The following FGL1 variants were observed in gnomAD, a reference collection of about 807,000 sequenced individuals.
FGL1 encodes the protein fibrinogen-like protein 1.
In FGL1, 59 loss-of-function variants were observed where a neutral mutation model predicts 43.7. That is an observed-to-expected ratio of 1.35 (90% CI 1.10 to 1.68). The LOEUF (loss-of-function observed/expected upper bound fraction) is 1.68. Among genes scored for constraint, FGL1 ranks in the 40% most tolerant of loss-of-function variants. The pLI, the probability that FGL1 is intolerant of heterozygous loss-of-function variation, is 0.00. For missense variants in FGL1, 596 were observed against 373.0 expected, an observed-to-expected ratio of 1.60 and a Z score of -4.92; for synonymous variants, 192 against 126.5, an observed-to-expected ratio of 1.52 and a Z score of -3.48.
chr8:17,885,313 G>A (rs892770647), intron 2 of FGL1, among the ~76,000 whole-genome samples, 179 bp downstream of exon 2: 1 of 152,108 alleles, frequency 6.6e-6, no homozygotes, highest in African/African-American at 2.4e-5. Context: ...CTGCAAAAAT[G>A]TAAAGCGCTT....
rs747049207 is a variant in FGL1, at chr8:17,882,076, T to G, written c.167A>C (p.Gln56Pro). 1.9e-6 allele frequency: 3 copies of G among 1,614,072 alleles called. No homozygotes were observed. The highest frequency in any genetic ancestry group is 2.5e-6 in the Non-Finnish European group (3 of 1,179,978). Residue 56 changes from glutamine to proline, a missense_variant, in exon 3 of 8, where the codon CAG becomes CCG. Physicochemically the swap from Gln to Pro is moderately conservative, Grantham distance 76. Coordinates refer to ENST00000427924, the MANE Select transcript of FGL1 (RefSeq NM_004467.4). ...ATCAAGGAACTGGACTTCATTCTCC[T>G]GCAAAAGCTGCTTGATCTTGACCTG... ...QQQVKIKQLL[Q>P]ENEVQFLDKG... is the part of the protein sequence containing the mutation.
At chr8:17,885,442 G>C in intron 2 of FGL1, 50 bp downstream of exon 2, 2 of 1,451,846 alleles carry the variant, frequency 1.4e-6, no homozygotes, top group South Asian at 2.4e-5. Flanking sequence ...AGAAAATTCA[G>C]ATAAAAGCAG....
chr8:17,878,910 T>A (rs1427737457), intron 3 of FGL1, among the ~76,000 whole-genome samples: 4 of 149,424 alleles, frequency 2.7e-5, no homozygotes, highest in Non-Finnish European at 3.0e-5. Context: ...TATATATATA[T>A]AAAACACTAT....
chr8:17,874,759 G>A (rs1585133683), intron 3 of FGL1: 1 of 325,850 alleles, frequency 3.1e-6, no homozygotes, highest in Non-Finnish European at 5.5e-6. Flanking sequence ...AAAGGGGAGT[G>A]AAATAAGAAT....
chr8:17,871,975 T>G (rs563348648), intron 5 of FGL1, among the ~76,000 whole-genome samples: 2 of 152,312 alleles, frequency 1.3e-5, no homozygotes, highest in East Asian at 1.9e-4. Context: ...TTTCATAGTT[T>G]CAATAAGAAA....
chr8:17,894,284 G>A (rs2053746275), intron 1 of FGL1, among the ~76,000 whole-genome samples: 1 of 147,114 alleles, frequency 6.8e-6, no homozygotes. Context: ...TGTTTAATAA[G>A]TTAGCATTCA....
At chr8:17,891,670 A>G (rs546586453) in intron 1 of FGL1, 1 of 985,096 alleles carries the variant, frequency 1.0e-6, no homozygotes, top group Non-Finnish European at 1.2e-6. Context: ...ATGAGAAGAA[A>G]ACTTGTAAAC....
intron 1 of FGL1, among the ~76,000 whole-genome samples, chr8:17,886,290 G>A (rs537504): frequency 6.6e-6 from 1 of 152,176 alleles, no homozygotes; most frequent in East Asian, 1.9e-4. Flanking sequence ...TAAGAGTTAA[G>A]AAGGAGTTGG....
rs762408185 is a variant in FGL1 at position 17,864,733 on chromosome 8, C to G, written c.798G>C (p.Leu266=). The change falls in exon 8 of 8, where the codon CTG becomes CTC. Residue 266 remains leucine (L), a synonymous_variant. Coordinates refer to ENST00000427924, the MANE Select transcript of FGL1 (RefSeq NM_004467.4). The part of the protein sequence containing the change: ...WWFNRCHSAN[L]NGVYYSGPYT... Reference sequence around the variant, plus strand: ...AGGGGCCGCTGTAGTATACACCATTCAGGTTTGCAGAGTGACACCTAGTGG... The same window carrying G: ...AGGGGCCGCTGTAGTATACACCATTGAGGTTTGCAGAGTGACACCTAGTGG... 4 of 1,531,012 alleles carry G rather than the reference C, an allele frequency of 2.6e-6. No individual in the cohort carries two copies. In the East Asian group the frequency reaches 9.5e-5, roughly 36 times the overall value. The allele number at this position is 1,531,012 out of a possible 1,614,324, so 94.8% of individuals were successfully genotyped here.
intron 2 of FGL1, among the ~76,000 whole-genome samples, chr8:17,884,965 T>C (rs564003587): frequency 6.6e-6 from 1 of 152,278 alleles, no homozygotes; most frequent in African/African-American, 2.4e-5. Flanking sequence ...ATTTCTAATA[T>C]TCCAACCAAA....
At chr8:17,874,574 C>A (rs575356003) in intron 3 of FGL1, 53 bp from the exon 4 acceptor site, 1 of 1,421,774 alleles carries the variant, frequency 7.0e-7, no homozygotes, top group Non-Finnish European at 9.6e-7. Context: ...TTTCTCCCCC[C>A]GCCTTAGGGA....
In FGL1 at chr8:17,882,970, T is replaced by C. The variant is rs2053565005; in HGVS notation, c.64-791A>G. On this transcript the variant is annotated intron_variant, in intron 2 of 7. Coordinates refer to ENST00000427924, the MANE Select transcript of FGL1 (RefSeq NM_004467.4). ...AATATATAATATATATCATATATAA[T>C]ATATTAAATATATAATATATATCAT... Among the ~76,000 whole-genome samples the C allele has an allele frequency of 4.0e-5, 4 of 99,900 alleles. No homozygotes were observed. In the Admixed American group the frequency reaches 5.6e-4, roughly 14 times the overall value. 65.5% of individuals were successfully genotyped at this position (99,900 alleles called of 152,430 possible).
chr8:17,874,813 T>A (rs1287636996), intron 3 of FGL1: 3 of 206,972 alleles, frequency 1.4e-5, no homozygotes, highest in Non-Finnish European at 2.9e-5. Context: ...ACATTTTTTT[T>A]AAGAAATGGG....
chr8:17,882,857 A>T (rs1322942175), intron 2 of FGL1, among the ~76,000 whole-genome samples: 1 of 104,048 alleles, frequency 9.6e-6, no homozygotes, highest in African/African-American at 5.3e-5. Context: ...AATATATATC[A>T]TATATAATAT....
At chr8:17,872,715 C>G (rs940211798) in intron 5 of FGL1, among the ~76,000 whole-genome samples, 30 of 152,082 alleles carry the variant, frequency 2.0e-4, no homozygotes, top group Admixed American at 2.0e-3. Context: ...TAATCTCAGA[C>G]TACAACAGAG....
At chr8:17,868,803 T>C in intron 6 of FGL1, 68 bp from the exon 7 acceptor site, 1 of 1,502,120 alleles carries the variant, frequency 6.7e-7, no homozygotes, top group South Asian at 1.3e-5. Context: ...TAAGTTTATT[T>C]CATAAACAAA....
intron 1 of FGL1, among the ~76,000 whole-genome samples, chr8:17,887,967 T>C (rs117996993): frequency 0.022 from 3,302 of 152,312 alleles, 62 homozygotes; most frequent in South Asian, 0.042. Context: ...TAAATATTTT[T>C]TCTTTAAAAT....
intron 3 of FGL1, among the ~76,000 whole-genome samples, chr8:17,879,859 GC>G (rs1193245104): frequency 1.3e-5 from 2 of 152,070 alleles, no homozygotes; most frequent in African/African-American, 4.8e-5. Context: ...CTGATTAGCT[GC>G]CCCCTGCCAT....
At chr8:17,875,492 T>C (rs536440661) in intron 3 of FGL1, among the ~76,000 whole-genome samples, 80 of 6,724 alleles carry the variant, frequency 0.012, 5 homozygotes, top group African/African-American at 0.034. Context: ...TCTTTCTTTC[T>C]TTCTTTCTTT....
Sources: allele counts gnomAD v4.1 joint callset (sites outside exome capture counted in the v4.1 genomes callset), GRCh38; gene constraint gnomAD v4.1.1; transcripts MANE v1.5; gene names NCBI Gene and HGNC (gene_info 2026-07-23, HGNC 2026-07-21).